SORL1: variants seen among roughly 807,000 people sequenced by gnomAD.
SORL1 encodes the protein sortilin-related receptor.
Under a neutral mutation model 273.7 loss-of-function variants are expected in SORL1, and 127 were observed. That is an observed-to-expected ratio of 0.46 (90% CI 0.40 to 0.54). The LOEUF is 0.54. Ranked by LOEUF, SORL1 falls within the 20% of genes least tolerant of loss-of-function variation. SORL1 has a pLI of 0.00. For synonymous variants in SORL1, 1,031 were observed against 1,067.4 expected (o/e 0.97, Z 0.66); for missense variants, 2,494 against 2,846.1 (o/e 0.88, Z 2.81).
Position 121,629,855 on chromosome 11 carries a change from C to T in SORL1, c.*292C>T, listed in dbSNP as rs946349242. 4 of 356,914 alleles carry T rather than the reference C, an allele frequency of 1.1e-5. No individual in the cohort carries two copies. Among genetic ancestry groups the T allele is most frequent in the East Asian group, 1.0e-4 (2 of 19,768 alleles). 22.1% of individuals were successfully genotyped at this position (356,914 alleles called of 1,614,324 possible). ...TGCTTTTACGTCTGTGAGATAATTT[C>T]GGTTCAGTAAATTGGCCAATCTTTT... On this transcript the variant is annotated 3_prime_UTR_variant, in exon 48 of 48. Transcript: ENST00000260197.
Position 121,608,137 on chromosome 11 carries a change from T to C in SORL1, c.5200T>C (p.Trp1734Arg). Residue 1734 changes from tryptophan (W) to arginine (R), a missense_variant, in exon 38 of 48, where the codon TGG becomes CGG. Coordinates refer to ENST00000260197, the MANE Select transcript of SORL1 (RefSeq NM_003105.6). ...GGTGACTAGTCGTGGAATAGGAAACTGGAGCGATTCTAAATCCATTACCAC... is the reference window on the plus strand; with the variant it reads ...GGTGACTAGTCGTGGAATAGGAAACCGGAGCGATTCTAAATCCATTACCAC... ...AAVTSRGIGN[W>R]SDSKSITTIK... 1.2e-6 allele frequency: 2 copies of C among 1,614,094 alleles called. No individual in the cohort carries two copies. The highest frequency in any genetic ancestry group is 8.5e-7 in the Non-Finnish European group (1 of 1,179,936).
chr11:121,520,944 C>G, intron 9 of SORL1, 95 bp downstream of exon 9: 1 of 787,110 alleles, frequency 1.3e-6, no homozygotes, highest in East Asian at 3.0e-5. Flanking sequence ...TGAAAAAATA[C>G]AAGATCACAT....
chr11:121,599,662 T>C (rs1863355906), intron 32 of SORL1, among the ~76,000 whole-genome samples: 1 of 152,268 alleles, frequency 6.6e-6, no homozygotes, highest in Non-Finnish European at 1.5e-5. Context: ...GTTGTAAGGT[T>C]GAGCTTTGTC....
chr11:121,505,071 CA>C (rs1438110523), intron 6 of SORL1, among the ~76,000 whole-genome samples: 1 of 152,132 alleles, frequency 6.6e-6, no homozygotes, highest in Non-Finnish European at 1.5e-5. Context: ...GGTTTATAAT[CA>C]TTTTTATCCT....
Position 121,520,865 on chromosome 11 carries a change from T to G in SORL1, c.1404+16T>G. 6.4e-7 allele frequency: 1 copy of G among 1,557,258 alleles called. No individual in the cohort carries two copies. On this transcript the variant is annotated intron_variant, in intron 9 of 47. Transcript: ENST00000260197. ...CAATTGTGAGGTATTGATGCTTTAA[T>G]CTTCTTTTGCTTTTTAATATAAAGG...
intron 16 of SORL1, among the ~76,000 whole-genome samples, chr11:121,552,963 C>G (rs1043410365): frequency 5.1e-4 from 78 of 152,218 alleles, no homozygotes; most frequent in African/African-American, 4.6e-4. Context: ...AAGCCGTTCC[C>G]TAAGTGGACA....
chr11:121,460,394 ATTT>A (rs781295199), intron 1 of SORL1, among the ~76,000 whole-genome samples: 2 of 122,944 alleles, frequency 1.6e-5, no homozygotes, highest in Admixed American at 9.1e-5. Context: ...GTCATGATGA[ATTT>A]TTTTTTTTTT....
At chr11:121,601,932 A>G (rs1351016201) in intron 32 of SORL1, among the ~76,000 whole-genome samples, 1 of 152,184 alleles carries the variant, frequency 6.6e-6, no homozygotes, top group Admixed American at 6.5e-5. Flanking sequence ...CCTATATAAA[A>G]TGGCATAACC....
In SORL1 at chr11:121,596,439, C is replaced by T. The variant is rs901541452; in HGVS notation, c.4519+667C>T. Among the ~76,000 whole-genome samples, 5 of 152,202 alleles carry T rather than the reference C, an allele frequency of 3.3e-5. No homozygotes were observed. The highest frequency in any genetic ancestry group is 1.9e-4 in the East Asian group (1 of 5,196). ...CGTTTATCCTCATGTGACCAGTCAG[C>T]GCTTTTCAGTCCCTGGCTGCACGCT... On this transcript the variant is annotated intron_variant, in intron 32 of 47. Coordinates refer to ENST00000260197, the MANE Select transcript of SORL1 (RefSeq NM_003105.6). The surrounding 1 kb of genome is among the most constrained non-coding windows in gnomAD (Gnocchi z 4.3).
intron 10 of SORL1, 22 bp downstream of exon 10, chr11:121,522,725 CA>C (rs1352761073): frequency 3.2e-6 from 5 of 1,580,638 alleles, no homozygotes; most frequent in Non-Finnish European, 8.7e-7. Context: ...TGCCTGTTCT[CA>C]AAAGGGGTTC....
chr11:121,595,554 T>G lies in SORL1; in HGVS notation c.4370-69T>G. The G allele has an allele frequency of 7.4e-7, 1 of 1,355,842 alleles. No homozygotes were observed. 84.0% of individuals were successfully genotyped at this position (1,355,842 alleles called of 1,614,324 possible). On this transcript the variant is annotated intron_variant, in intron 31 of 47. Coordinates refer to ENST00000260197, the MANE Select transcript of SORL1 (RefSeq NM_003105.6). This position sits in a 1 kb window ranked among gnomAD's most constrained non-coding sequence, Gnocchi z 5.1. The stretch of plus-strand genomic sequence containing the variant: ...AAAGCACCGTAATCTCCTAGCATAT[T>G]GATTGGTTGCTGTTATTGGCCAGCT...
At chr11:121,496,516 C>A (rs945959350) in intron 5 of SORL1, among the ~76,000 whole-genome samples, 1 of 152,214 alleles carries the variant, frequency 6.6e-6, no homozygotes, top group African/African-American at 2.4e-5. Flanking sequence ...CTCTGAGATT[C>A]ATAACTTTAG....
chr11:121,522,841 A>T (rs1862061688), intron 10 of SORL1, 75 bp from the exon 11 acceptor site: 1 of 1,432,680 alleles, frequency 7.0e-7, no homozygotes. Flanking sequence ...GATACTACGC[A>T]GAATTTCTGG....
intron 2 of SORL1, among the ~76,000 whole-genome samples, chr11:121,475,476 A>C (rs1861250476): frequency 6.6e-6 from 1 of 152,152 alleles, no homozygotes; most frequent in African/African-American, 2.4e-5. Flanking sequence ...ATTAGGGAAG[A>C]GCTCTTTGAT....
At position 121,519,241 on chromosome 11, in the gene SORL1, C is replaced by T. The variant is rs181022540; in HGVS notation, c.1212-1416C>T. Among the ~76,000 whole-genome samples the T allele has an allele frequency of 7.9e-5, 12 of 152,020 alleles. No individual in the cohort carries two copies. The South Asian group carries it at 8.3e-4, about 11-fold the overall frequency. On this transcript the variant is annotated intron_variant, in intron 8 of 47. Coordinates refer to ENST00000260197, the MANE Select transcript of SORL1 (RefSeq NM_003105.6). ...GATTACAGGTGTGAGCCACCATGCC[C>T]GGCCAAGCTTCCAGTCTTAACAGCC...
At chr11:121,482,581 T>C (rs541614380) in intron 3 of SORL1, among the ~76,000 whole-genome samples, 2 of 152,354 alleles carry the variant, frequency 1.3e-5, no homozygotes, top group African/African-American at 4.8e-5. Context: ...TGCTGATTGC[T>C]TCTGTTACTT....
At chr11:121,618,004 GCTC>G in intron 41 of SORL1, among the ~76,000 whole-genome samples, 1 of 152,278 alleles carries the variant, frequency 6.6e-6, no homozygotes, top group African/African-American at 2.4e-5. Flanking sequence ...GTGTCTTCAA[GCTC>G]ACCTCATGGT....
chr11:121,627,390 A>G lies in SORL1; in HGVS notation c.6365-165A>G. 1 of 627,308 alleles carries G rather than the reference A, an allele frequency of 1.6e-6. No homozygotes were observed. The highest frequency in any genetic ancestry group is 2.8e-6 in the Non-Finnish European group (1 of 351,962). 38.9% of individuals were successfully genotyped at this position (627,308 alleles called of 1,614,324 possible). On this transcript the variant is annotated intron_variant, in intron 46 of 47. Coordinates refer to ENST00000260197, the MANE Select transcript of SORL1 (RefSeq NM_003105.6). The surrounding 1 kb of genome is among the most constrained non-coding windows in gnomAD (Gnocchi z 4.9). Reference sequence around the variant, plus strand: ...ATCAGCTCATGGCAAGTAGTGGGGAAGCAATCAGGCATCACGCACATGCAG... The same window carrying G: ...ATCAGCTCATGGCAAGTAGTGGGGAGGCAATCAGGCATCACGCACATGCAG...
rs1863676475 is a variant in SORL1 at position 121,618,778 on chromosome 11, A to G, written c.5609A>G (p.Tyr1870Cys). ...TCCATTCTCTGCTTTTACCAGGTTT[A>G]TGGTATTTTCTATGCCACGTCCTTT... ...CTWTGPRNVV[Y>C]GIFYATSFLD... The change falls in exon 42 of 48, where the codon TAT becomes TGT. Residue 1870 changes from tyrosine to cysteine, a missense_variant. Physicochemically the swap from Tyr to Cys is radical, Grantham distance 194. Coordinates refer to ENST00000260197, the MANE Select transcript of SORL1 (RefSeq NM_003105.6). The G allele has an allele frequency of 6.2e-7, 1 of 1,614,110 alleles. No individual in the cohort carries two copies. Among genetic ancestry groups the G allele is most frequent in the Non-Finnish European group, 8.5e-7 (1 of 1,179,988 alleles).
Sources: gnomAD v4.1 joint callset for allele counts (sites outside exome capture counted in the v4.1 genomes callset) on GRCh38, gnomAD v4.1.1 for gene constraint, Gnocchi (gnomAD v3.1) non-coding constraint, MANE v1.5 for transcripts, NCBI Gene and HGNC (gene_info 2026-07-23, HGNC 2026-07-21) for gene names.